The following MPP7 variants were observed in gnomAD, a reference collection of about 807,000 sequenced individuals.
MPP7 encodes MAGUK p55 subfamily member 7.
A neutral mutation model predicts 76.5 loss-of-function variants in MPP7; 60 were observed. The observed-to-expected ratio is 0.78, with a 90% CI of 0.64 to 0.97. The LOEUF (loss-of-function observed/expected upper bound fraction) is 0.97. Ranked by LOEUF, MPP7 falls within the 50% of genes least tolerant of loss-of-function variation. The probability of loss-of-function intolerance (pLI) is 0.00; values close to 1 mark genes in which losing one functional copy is unlikely to be tolerated. For synonymous variants in MPP7, 237 were observed against 244.5 expected (o/e 0.97, Z 0.29); for missense variants, 641 against 694.0 (o/e 0.92, Z 0.86).
intron 3 of MPP7, among the ~76,000 whole-genome samples, chr10:28,197,385 T>G (rs963865633): frequency 6.6e-6 from 1 of 151,872 alleles, no homozygotes. Context: ...GTTTCACCAT[T>G]TTGACCAGGC....
chr10:28,157,372 A>C (rs1158634061), intron 3 of MPP7, among the ~76,000 whole-genome samples: 1 of 152,244 alleles, frequency 6.6e-6, no homozygotes, highest in Non-Finnish European at 1.5e-5. Context: ...TGTTGAAATT[A>C]ATAAGGAAGC....
At chr10:28,138,448 C>T (rs1835414761) in intron 5 of MPP7, among the ~76,000 whole-genome samples, 1 of 152,194 alleles carries the variant, frequency 6.6e-6, no homozygotes, top group Non-Finnish European at 1.5e-5. Flanking sequence ...CTTACTTTTA[C>T]ATTTTCAGAC....
upstream of MPP7, chr10:28,305,475 G>C (rs1297485991): frequency 2.0e-5 from 3 of 151,958 alleles, no homozygotes; most frequent in Non-Finnish European, 2.9e-5. Context: ...CTGTTTACTA[G>C]AAATAGGTTA....
At chr10:28,246,679 A>G (rs560155863) in intron 1 of MPP7, among the ~76,000 whole-genome samples, 1 of 152,284 alleles carries the variant, frequency 6.6e-6, no homozygotes, top group Admixed American at 6.5e-5. Flanking sequence ...AACAGAGGAT[A>G]GGGGAAACTG....
At chr10:28,312,640 T>C (rs548059277) in intron 2 of MPP7, among the ~76,000 whole-genome samples, 14 of 152,338 alleles carry the variant, frequency 9.2e-5, no homozygotes, top group African/African-American at 3.1e-4. Context: ...ATAAGCATTT[T>C]ATATTCAGAA....
chr10:28,321,177 C>CA lies in MPP7; in HGVS notation c.-132+8751dup, dbSNP rs1316177921. ...AATATATATGTAGTTTCCTCTCCTG[C>CA]AAAAAAATAGAAATTAGGATATATA... On this transcript the variant is annotated intron_variant, in intron 2 of 11. Coordinates refer to the MPP7 transcript ENST00000441595. 4.6e-5 allele frequency among the ~76,000 whole-genome samples: 7 copies of CA among 151,684 alleles called. No individual in the cohort carries two copies. The East Asian group carries it at 7.7e-4, about 17-fold the overall frequency.
chr10:28,218,787 A>T (rs79432350), intron 2 of MPP7, among the ~76,000 whole-genome samples: 5,377 of 149,356 alleles, frequency 0.036, 176 homozygotes, highest in African/African-American at 0.081. Flanking sequence ...AATTTTTTTT[A>T]AAAAATAAAA....
upstream of MPP7, among the ~76,000 whole-genome samples, chr10:28,304,839 C>T (rs1307138268): frequency 2.0e-5 from 3 of 152,094 alleles, no homozygotes; most frequent in Non-Finnish European, 4.4e-5. Flanking sequence ...TTCATTTACT[C>T]ATCAAACGTA....
intron 2 of MPP7, among the ~76,000 whole-genome samples, chr10:28,205,120 C>T (rs1837909648): frequency 6.6e-6 from 1 of 152,126 alleles, no homozygotes; most frequent in Non-Finnish European, 1.5e-5. Context: ...CTTCAACTAC[C>T]ACATCTGGTA....
intron 2 of MPP7, among the ~76,000 whole-genome samples, chr10:28,217,883 A>G (rs1240635401): frequency 6.6e-6 from 1 of 152,176 alleles, no homozygotes; most frequent in East Asian, 1.9e-4. Context: ...GACTACATCA[A>G]AAGCAATCAA....
At chr10:28,261,799 CA>C (rs1280984169) in intron 1 of MPP7, among the ~76,000 whole-genome samples, 4 of 152,082 alleles carry the variant, frequency 2.6e-5, no homozygotes, top group Non-Finnish European at 5.9e-5. Context: ...GTAACCTCAA[CA>C]CTTTGGGAGG....
chr10:28,333,295 G>A (rs569016155), intron 1 of MPP7, among the ~76,000 whole-genome samples: 43 of 152,222 alleles, frequency 2.8e-4, no homozygotes, highest in Admixed American at 5.2e-4. Flanking sequence ...ACAGGCACCC[G>A]CCACCACACC....
intron 12 of MPP7, among the ~76,000 whole-genome samples, chr10:28,071,667 T>C (rs1054664986): frequency 6.6e-6 from 1 of 152,176 alleles, no homozygotes; most frequent in East Asian, 1.9e-4. Context: ...TAATTTATAA[T>C]AAAGCAATAT....
chr10:28,325,571 G>C (rs1008536202), intron 2 of MPP7, among the ~76,000 whole-genome samples: 1 of 151,962 alleles, frequency 6.6e-6, no homozygotes, highest in Non-Finnish European at 1.5e-5. Flanking sequence ...TCAGCTCGCT[G>C]CAACCTCTGT....
Position 28,232,358 on chromosome 10 carries a change from A to AACACACACACACACAC in MPP7, c.37+6194_37+6209dup, listed in dbSNP as rs3064135. Among the ~76,000 whole-genome samples, 608 of 147,444 alleles carry AACACACACACACACAC rather than the reference A, an allele frequency of 4.1e-3. 7 individuals are homozygous for AACACACACACACACAC. Among genetic ancestry groups the AACACACACACACACAC allele is most frequent in the African/African-American group, 0.014 (557 of 39,542 alleles). ...GACAGAGTGAGATCCTGTCTCTTAAAACACACACACACACACACACACACA... is the reference window on the plus strand; with the variant it reads ...GACAGAGTGAGATCCTGTCTCTTAAAACACACACACACACACACACACACACACACACACACACACA... On this transcript the variant is annotated intron_variant, in intron 2 of 16. Transcript: ENST00000683449.
rs538003701 is a variant in MPP7, at chr10:28,109,534, G to A, written c.952+10117C>T. ...AGATAGGGCATCTGGCAACGTTTCC[G>A]GAATATAATAACCAAAGCACACTAG... On this transcript the variant is annotated intron_variant, in intron 11 of 16. Coordinates refer to ENST00000683449, the MANE Select transcript of MPP7 (RefSeq NM_001318170.2). Among the ~76,000 whole-genome samples the A allele has an allele frequency of 4.6e-5, 7 of 151,848 alleles. No homozygotes were observed. In the South Asian group the frequency reaches 1.3e-3, roughly 27 times the overall value.
intron 3 of MPP7, among the ~76,000 whole-genome samples, chr10:28,192,778 G>A (rs546157022): frequency 1.8e-4 from 28 of 152,276 alleles, no homozygotes; most frequent in Admixed American, 1.2e-3. Context: ...TGATTATAAA[G>A]TTTATATGAC....
intron 2 of MPP7, among the ~76,000 whole-genome samples, chr10:28,327,078 C>G (rs1474713243): frequency 6.6e-6 from 1 of 151,986 alleles, no homozygotes; most frequent in Non-Finnish European, 1.5e-5. Context: ...CACATGTGAC[C>G]AGCTGCACTG....
chr10:28,194,514 T>A (rs1456025887), intron 3 of MPP7, among the ~76,000 whole-genome samples: 2 of 152,214 alleles, frequency 1.3e-5, no homozygotes, highest in African/African-American at 4.8e-5. Context: ...ATGGTGCTTA[T>A]CTACAACTAA....
Sources: gnomAD v4.1 joint callset for allele counts (sites outside exome capture counted in the v4.1 genomes callset) on GRCh38, gnomAD v4.1.1 for gene constraint, MANE v1.5 for transcripts, NCBI Gene and HGNC (gene_info 2026-07-23, HGNC 2026-07-21) for gene names.